L3MBTL4: variants seen among roughly 807,000 people sequenced by gnomAD.
L3MBTL4 encodes L3MBTL histone methyl-lysine binding protein 4, also known as lethal(3)malignant brain tumor-like protein 4.
In L3MBTL4, 70 loss-of-function variants were observed where a neutral mutation model predicts 84.5. That is an observed-to-expected ratio of 0.83 (90% CI 0.68 to 1.01). L3MBTL4 has a LOEUF of 1.01. Among genes scored for constraint, L3MBTL4 ranks in the 50% least tolerant of loss-of-function variants. The pLI is 0.00. For synonymous variants in L3MBTL4, 274 were observed against 259.8 expected, an observed-to-expected ratio of 1.05 and a Z score of -0.52; for missense variants, 715 against 754.8, an observed-to-expected ratio of 0.95 and a Z score of 0.62.
intron 16 of L3MBTL4, among the ~76,000 whole-genome samples, chr18:6,037,055 C>G (rs980206594): frequency 2.0e-5 from 3 of 152,214 alleles, no homozygotes; most frequent in Admixed American, 6.5e-5. Context: ...GGGCTTGCAA[C>G]AATGCGGGGA....
At chr18:5,959,348 G>A (rs1468838304) in intron 18 of L3MBTL4, among the ~76,000 whole-genome samples, 6 of 152,300 alleles carry the variant, frequency 3.9e-5, no homozygotes, top group East Asian at 3.9e-4. Flanking sequence ...GTTGTCACAA[G>A]GATCAAAGGA....
At chr18:6,317,493 TAGA>T (rs1327782821) in intron 1 of L3MBTL4, among the ~76,000 whole-genome samples, 1 of 151,860 alleles carries the variant, frequency 6.6e-6, no homozygotes, top group African/African-American at 2.4e-5. Context: ...CCTGATCAAG[TAGA>T]AGAAAAAATT....
chr18:6,318,793 T>C, intron 1 of L3MBTL4, among the ~76,000 whole-genome samples: 1 of 151,980 alleles, frequency 6.6e-6, no homozygotes, highest in Non-Finnish European at 1.5e-5. Context: ...TAACATATAT[T>C]TATAGAACAC....
rs114006132 is a variant in L3MBTL4, at chr18:6,094,180, T to C, written c.1200-652A>G. Reference sequence around the variant, plus strand: ...CAATAGCAGGCTATGGGCAGAAGGATCTGCCAGGGCCAATGACCTGGTTCC... The same window carrying C: ...CAATAGCAGGCTATGGGCAGAAGGACCTGCCAGGGCCAATGACCTGGTTCC... On this transcript the variant is annotated intron_variant, in intron 14 of 18. Transcript: ENST00000317931. Among the ~76,000 whole-genome samples, 1,081 of 152,254 alleles carry C rather than the reference T, an allele frequency of 7.1e-3. 16 individuals are homozygous for C. Among genetic ancestry groups the C allele is most frequent in the African/African-American group, 0.025 (1,039 of 41,530 alleles).
chr18:6,219,285 C>T (rs2046452076), intron 10 of L3MBTL4, among the ~76,000 whole-genome samples: 1 of 151,912 alleles, frequency 6.6e-6, no homozygotes, highest in African/African-American at 2.4e-5. Context: ...CCCTTTCAGG[C>T]CTCAGGACTG....
At chr18:6,228,814 T>C (rs1196593268) in intron 10 of L3MBTL4, among the ~76,000 whole-genome samples, 1 of 152,082 alleles carries the variant, frequency 6.6e-6, no homozygotes, top group Non-Finnish European at 1.5e-5. Flanking sequence ...GTCATTGTCA[T>C]GGACAAAGGA....
At chr18:6,152,006 T>C (rs963708132) in intron 13 of L3MBTL4, among the ~76,000 whole-genome samples, 1 of 152,232 alleles carries the variant, frequency 6.6e-6, no homozygotes, top group African/African-American at 2.4e-5. Context: ...GCATGGCTTA[T>C]TTCACTTAGC....
At chr18:6,124,050 A>G (rs915795986) in intron 14 of L3MBTL4, among the ~76,000 whole-genome samples, 3 of 152,200 alleles carry the variant, frequency 2.0e-5, no homozygotes, top group African/African-American at 7.2e-5. Context: ...GAGGCCAGAA[A>G]AGCTGCCCAG....
chr18:5,968,331 T>C (rs1486589976), intron 17 of L3MBTL4, among the ~76,000 whole-genome samples: 1 of 152,208 alleles, frequency 6.6e-6, no homozygotes, highest in Non-Finnish European at 1.5e-5. Context: ...ATTCCTTAAA[T>C]AATACATTTT....
intron 3 of L3MBTL4, among the ~76,000 whole-genome samples, chr18:6,310,615 C>G (rs1051950575): frequency 6.6e-6 from 1 of 152,148 alleles, no homozygotes; most frequent in Non-Finnish European, 1.5e-5. Context: ...CACACGAAGA[C>G]CCCAAAATCC....
chr18:6,118,817 G>T (rs1292219230), intron 14 of L3MBTL4, among the ~76,000 whole-genome samples: 1 of 151,958 alleles, frequency 6.6e-6, no homozygotes, highest in Non-Finnish European at 1.5e-5. Flanking sequence ...CACCAAAAGT[G>T]GTTAACTAAA....
chr18:6,283,943 A>T (rs1343550711), intron 4 of L3MBTL4, among the ~76,000 whole-genome samples: 1 of 152,242 alleles, frequency 6.6e-6, no homozygotes, highest in Non-Finnish European at 1.5e-5. Flanking sequence ...CTAAAAGGTA[A>T]GATTTCTAAA....
rs9958709 is a variant in L3MBTL4, at chr18:5,993,860, G to T, written c.1445-24298C>A. Reference sequence around the variant, plus strand: ...GCACAGGAATGGAATTTGTAACAATGCAGTTCTTTCTGGGTAAAGTTAAAA... The same window carrying T: ...GCACAGGAATGGAATTTGTAACAATTCAGTTCTTTCTGGGTAAAGTTAAAA... On this transcript the variant is annotated intron_variant, in intron 16 of 18. Coordinates refer to ENST00000317931, the MANE Select transcript of L3MBTL4 (RefSeq NM_001330559.2). Among the ~76,000 whole-genome samples the T allele has an allele frequency of 9.8e-3, 1,491 of 152,224 alleles. 18 individuals carry two copies. Among genetic ancestry groups the T allele is most frequent in the African/African-American group, 0.033 (1,367 of 41,530 alleles).
chr18:6,359,364 G>A (rs2053580774), intron 1 of L3MBTL4, among the ~76,000 whole-genome samples: 1 of 152,098 alleles, frequency 6.6e-6, no homozygotes, highest in Non-Finnish European at 1.5e-5. Context: ...AGAATGGCTT[G>A]AATCCGGGAG....
intron 12 of L3MBTL4, among the ~76,000 whole-genome samples, chr18:6,178,272 T>A (rs886865054): frequency 2.0e-5 from 3 of 152,188 alleles, no homozygotes; most frequent in African/African-American, 7.2e-5. Context: ...AATCCAATGA[T>A]GTGATTCTCC....
intron 16 of L3MBTL4, among the ~76,000 whole-genome samples, chr18:5,970,243 G>T (rs1676537950): frequency 6.6e-6 from 1 of 152,206 alleles, no homozygotes; most frequent in Non-Finnish European, 1.5e-5. Context: ...ACTCTTAGAT[G>T]GGGTGCTCTT....
chr18:6,003,057 AG>A (rs2054289286), intron 16 of L3MBTL4, among the ~76,000 whole-genome samples: 1 of 114,800 alleles, frequency 8.7e-6, no homozygotes, highest in Non-Finnish European at 1.8e-5. Flanking sequence ...TATAAAATAT[AG>A]TATCTCTATT....
chr18:6,165,962 C>T (rs994291521), intron 13 of L3MBTL4, among the ~76,000 whole-genome samples: 1 of 151,960 alleles, frequency 6.6e-6, no homozygotes, highest in Non-Finnish European at 1.5e-5. Context: ...CACACATAGG[C>T]TCAAAATAAA....
intron 16 of L3MBTL4, among the ~76,000 whole-genome samples, chr18:6,051,065 G>A (rs952340052): frequency 1.3e-5 from 2 of 152,132 alleles, no homozygotes; most frequent in African/African-American, 2.4e-5. Context: ...GGCACATCCC[G>A]CAGAACTCCT....
Sources: allele counts gnomAD v4.1 joint callset (sites outside exome capture counted in the v4.1 genomes callset), GRCh38; gene constraint gnomAD v4.1.1; transcripts MANE v1.5; gene names NCBI Gene and HGNC (gene_info 2026-07-23, HGNC 2026-07-21).